GRID2: variants seen among roughly 807,000 people sequenced by gnomAD.
The protein encoded by GRID2 is glutamate ionotropic receptor delta type subunit 2.
A neutral mutation model predicts 114.8 loss-of-function variants in GRID2; 33 were observed. That is an observed-to-expected ratio of 0.29 (90% CI 0.22 to 0.38). The LOEUF (loss-of-function observed/expected upper bound fraction) is 0.38, where lower values mean the gene tolerates loss of function less well. Among genes scored for constraint, GRID2 ranks in the 10% least tolerant of loss-of-function variants. GRID2 has a pLI of 1.00. For synonymous variants in GRID2, 505 were observed against 449.9 expected, an observed-to-expected ratio of 1.12 and a Z score of -1.55; for missense variants, 1,184 against 1,257.7, an observed-to-expected ratio of 0.94 and a Z score of 0.89.
chr4:93,567,893 T>C, intron 13 of GRID2, among the ~76,000 whole-genome samples: 1 of 152,244 alleles, frequency 6.6e-6, no homozygotes, highest in East Asian at 1.9e-4. Context: ...GTCACTTACC[T>C]TCTGGAAGTT....
intron 1 of GRID2, among the ~76,000 whole-genome samples, chr4:92,503,694 A>G (rs1723806335): frequency 6.6e-6 from 1 of 152,080 alleles, no homozygotes; most frequent in Non-Finnish European, 1.5e-5. Flanking sequence ...CATACATAAC[A>G]CTGTATAATT....
intron 13 of GRID2, among the ~76,000 whole-genome samples, chr4:93,602,107 T>C (rs1214852432): frequency 6.6e-6 from 1 of 152,198 alleles, no homozygotes; most frequent in Non-Finnish European, 1.5e-5. Context: ...CAAGTCCTAA[T>C]TTAAGAGTTA....
chr4:92,827,923 C>T (rs558046255), intron 2 of GRID2, among the ~76,000 whole-genome samples: 66 of 151,980 alleles, frequency 4.3e-4, no homozygotes, highest in African/African-American at 1.5e-3. Context: ...AGCTAAGTAA[C>T]CAATTTTGAT....
At chr4:93,592,515 G>GA (rs1474488824) in intron 13 of GRID2, among the ~76,000 whole-genome samples, 4 of 152,182 alleles carry the variant, frequency 2.6e-5, no homozygotes, top group South Asian at 4.1e-4. Context: ...GTGTGGTGCT[G>GA]AAAAAAATGT....
At position 93,241,556 on chromosome 4, in the gene GRID2, T is replaced by G. The variant is rs115701648; in HGVS notation, c.1245+3066T>G. 5.5e-3 allele frequency among the ~76,000 whole-genome samples: 838 copies of G among 152,024 alleles called. 12 individuals carry two copies. The highest frequency in any genetic ancestry group is 0.019 in the African/African-American group (788 of 41,554). ...TTATGCTTATGTTTACATAAAATTA[T>G]TTGATTTGCTACCACCTTGCATAAG... On this transcript the variant is annotated intron_variant, in intron 8 of 15. Coordinates refer to ENST00000282020, the MANE Select transcript of GRID2 (RefSeq NM_001510.4).
At chr4:93,558,095 G>A (rs1373633280) in intron 13 of GRID2, among the ~76,000 whole-genome samples, 1 of 152,160 alleles carries the variant, frequency 6.6e-6, no homozygotes, top group Non-Finnish European at 1.5e-5. Context: ...GCAGTGTTTA[G>A]AGGGAAATTT....
intron 2 of GRID2, among the ~76,000 whole-genome samples, chr4:92,610,110 T>C (rs146431429): frequency 6.6e-6 from 1 of 151,676 alleles, no homozygotes; most frequent in South Asian, 2.1e-4. Context: ...AGAGGGCCAA[T>C]GGAATGTGAA....
intron 2 of GRID2, among the ~76,000 whole-genome samples, chr4:92,920,542 G>A (rs1289425400): frequency 6.6e-6 from 1 of 152,034 alleles, no homozygotes; most frequent in Non-Finnish European, 1.5e-5. Flanking sequence ...GGGCAGGCCT[G>A]GTGTTGACAA....
In GRID2 at chr4:92,485,328, A is replaced by G. The variant is rs1722815251; in HGVS notation, c.89-104803A>G. 5.8e-5 allele frequency among the ~76,000 whole-genome samples: 6 copies of G among 103,358 alleles called. No individual in the cohort carries two copies. In the East Asian group the frequency reaches 1.4e-3, roughly 25 times the overall value. The allele number at this position is 103,358 out of a possible 152,430, so 67.8% of individuals were successfully genotyped here. A position where few individuals can be genotyped will look rare whatever the true frequency, so the allele number is the denominator to read the frequency against. On this transcript the variant is annotated intron_variant, in intron 1 of 15. Transcript: ENST00000282020. The stretch of plus-strand genomic sequence containing the variant: ...TATATATATATATATATATATATAT[A>G]TATATATATATATATATATAGTGTG...
chr4:93,665,821 AC>A (rs372490661), intron 14 of GRID2, among the ~76,000 whole-genome samples: 87 of 152,210 alleles, frequency 5.7e-4, no homozygotes, highest in African/African-American at 2.1e-3. Context: ...AAAAACCCTG[AC>A]ATGTCACTGT....
intron 13 of GRID2, among the ~76,000 whole-genome samples, chr4:93,584,002 TC>T: frequency 6.6e-6 from 1 of 152,272 alleles, no homozygotes; most frequent in Non-Finnish European, 1.5e-5. Flanking sequence ...CTGAAACATT[TC>T]TCTAGAGTCA....
intron 2 of GRID2, among the ~76,000 whole-genome samples, chr4:92,829,767 T>A (rs1741972674): frequency 6.6e-6 from 1 of 152,006 alleles, no homozygotes; most frequent in Non-Finnish European, 1.5e-5. Flanking sequence ...AAAGAATGAG[T>A]TCATGTCCTT....
chr4:93,129,750 T>G (rs1196558477), intron 4 of GRID2, among the ~76,000 whole-genome samples: 1 of 152,088 alleles, frequency 6.6e-6, no homozygotes, highest in Non-Finnish European at 1.5e-5. Context: ...CTCCATGATG[T>G]TTGGCACTCA....
At chr4:92,446,173 C>T (rs1021118326) in intron 1 of GRID2, among the ~76,000 whole-genome samples, 1 of 152,146 alleles carries the variant, frequency 6.6e-6, no homozygotes, top group African/African-American at 2.4e-5. Context: ...TCTCGAACTC[C>T]TGACCTCAAG....
intron 8 of GRID2, among the ~76,000 whole-genome samples, chr4:93,323,819 G>A (rs1308934285): frequency 6.6e-6 from 1 of 152,084 alleles, no homozygotes; most frequent in Non-Finnish European, 1.5e-5. Flanking sequence ...ATTGTGAAAG[G>A]GAGTTCACTC....
At chr4:93,669,622 A>C (rs897451357) in intron 14 of GRID2, among the ~76,000 whole-genome samples, 1 of 152,142 alleles carries the variant, frequency 6.6e-6, no homozygotes, top group African/African-American at 2.4e-5. Flanking sequence ...TAGACTTTGT[A>C]TGTGTCTCCC....
At chr4:93,590,004 G>A (rs1447481087) in intron 13 of GRID2, among the ~76,000 whole-genome samples, 7 of 150,564 alleles carry the variant, frequency 4.6e-5, no homozygotes, top group Non-Finnish European at 1.0e-4. Context: ...TTTGTAGGTT[G>A]CCTGTTCACT....
intron 2 of GRID2, among the ~76,000 whole-genome samples, chr4:92,932,932 G>T (rs1260249982): frequency 6.6e-6 from 1 of 151,112 alleles, no homozygotes; most frequent in Non-Finnish European, 1.5e-5. Context: ...GGGTAGAAGT[G>T]GGAATGATTG....
In GRID2 at chr4:93,215,420, G is replaced by T. The variant is rs555164151; in HGVS notation, c.790-1318G>T. On this transcript the variant is annotated intron_variant, in intron 5 of 15. Coordinates refer to ENST00000282020, the MANE Select transcript of GRID2 (RefSeq NM_001510.4). Reference sequence around the variant, plus strand: ...TAAAATCAGGACTTCAAATGGAGTTGACAGGATACCGTTTAATCCTACTTT... The same window carrying T: ...TAAAATCAGGACTTCAAATGGAGTTTACAGGATACCGTTTAATCCTACTTT... Among the ~76,000 whole-genome samples the T allele has an allele frequency of 7.2e-5, 11 of 152,080 alleles. No homozygotes were observed. The South Asian group carries it at 2.1e-3, about 29-fold the overall frequency.
Sources: gnomAD v4.1 joint callset for allele counts (sites outside exome capture counted in the v4.1 genomes callset) on GRCh38, gnomAD v4.1.1 for gene constraint, MANE v1.5 for transcripts, NCBI Gene and HGNC (gene_info 2026-07-23, HGNC 2026-07-21) for gene names.